LRRIQ1: variants seen among roughly 807,000 people sequenced by gnomAD.
LRRIQ1 encodes leucine-rich repeat- and IQ domain-containing protein 1.
Under a neutral mutation model 211.9 loss-of-function variants are expected in LRRIQ1, and 210 were observed. That is an observed-to-expected ratio of 0.99 (90% CI 0.89 to 1.11). LRRIQ1 has a LOEUF of 1.11. LRRIQ1 is among the 50% of genes most tolerant of loss of function. The pLI is 0.00. For missense variants in LRRIQ1, 2,136 were observed against 1,939.5 expected (o/e 1.10, Z -1.90); for synonymous variants, 699 against 650.1 (o/e 1.08, Z -1.14).
chr12:85,118,438 CA>C (rs1200684650), intron 15 of LRRIQ1, among the ~76,000 whole-genome samples: 1 of 149,650 alleles, frequency 6.7e-6, no homozygotes, highest in East Asian at 2.0e-4. Context: ...AGTTTTCTTT[CA>C]GGGGAGGGAG....
intron 15 of LRRIQ1, among the ~76,000 whole-genome samples, chr12:85,115,321 G>T (rs1276221421): frequency 6.6e-6 from 1 of 152,136 alleles, no homozygotes; most frequent in Non-Finnish European, 1.5e-5. Flanking sequence ...TCCATGCACT[G>T]CTCTGTTATG....
chr12:85,198,185 A>G (rs1196172313), intron 24 of LRRIQ1, among the ~76,000 whole-genome samples: 1 of 133,068 alleles, frequency 7.5e-6, no homozygotes, highest in Non-Finnish European at 1.5e-5. Context: ...TTATATATAT[A>G]TATTTTTTCT....
chr12:85,246,549 C>A (rs993104178), downstream of LRRIQ1, among the ~76,000 whole-genome samples: 10 of 151,326 alleles, frequency 6.6e-5, no homozygotes, highest in Admixed American at 6.6e-5. Context: ...CTCAATAAAT[C>A]AGCAACTAGT....
At chr12:85,097,581 C>T (rs1885999578) in intron 11 of LRRIQ1, among the ~76,000 whole-genome samples, 1 of 152,138 alleles carries the variant, frequency 6.6e-6, no homozygotes, top group Admixed American at 6.5e-5. Context: ...CTACAAAGGA[C>T]ATGAACTCAT....
exon 2 of LRRIQ1, chr12:85,264,171 T>C (rs973860134): frequency 4.6e-5 from 7 of 152,062 alleles, no homozygotes; most frequent in Admixed American, 2.6e-4. Context: ...TGGATCCCTA[T>C]TGCATTGCAA....
chr12:85,152,507 C>T, intron 20 of LRRIQ1, 138 bp downstream of exon 20: 1 of 504,742 alleles, frequency 2.0e-6, no homozygotes. Flanking sequence ...TCCTCCTCAT[C>T]CCCAGATGTA....
intron 24 of LRRIQ1, among the ~76,000 whole-genome samples, chr12:85,176,174 T>G (rs945041162): frequency 2.6e-5 from 4 of 152,154 alleles, no homozygotes; most frequent in Admixed American, 6.6e-5. Flanking sequence ...TATCCTCTTT[T>G]ATTTCCATGA....
intron 15 of LRRIQ1, among the ~76,000 whole-genome samples, chr12:85,119,728 A>G (rs554857909): frequency 1.3e-5 from 2 of 152,120 alleles, no homozygotes; most frequent in Non-Finnish European, 2.9e-5. Flanking sequence ...GTGGTATCAC[A>G]TTGTCTCGTT....
rs1367757786 is a variant in LRRIQ1, at chr12:85,189,114, C to T, written c.4822+28400C>T. 2.0e-5 allele frequency among the ~76,000 whole-genome samples: 3 copies of T among 152,070 alleles called. No homozygotes were observed. In the South Asian group the frequency reaches 6.2e-4, roughly 31 times the overall value. On this transcript the variant is annotated intron_variant, in intron 24 of 26. Transcript: ENST00000393217. ...CAAAAATCCCAGAAAAAAACATAAA[C>T]AGTTAGCTAATTCAAAGATGCAACT... is the stretch of plus-strand genomic sequence containing the variant.
chr12:85,088,882 G>T (rs1031764504), intron 11 of LRRIQ1, among the ~76,000 whole-genome samples: 4 of 152,196 alleles, frequency 2.6e-5, no homozygotes, highest in African/African-American at 9.6e-5. Context: ...CATGTCATCT[G>T]CAAACAGAGA....
At chr12:85,126,103 T>C (rs1044660843) in intron 17 of LRRIQ1, among the ~76,000 whole-genome samples, 4 of 152,072 alleles carry the variant, frequency 2.6e-5, no homozygotes, top group Non-Finnish European at 5.9e-5. Flanking sequence ...TTTCTTAACC[T>C]GTAGTGCACC....
intron 11 of LRRIQ1, among the ~76,000 whole-genome samples, chr12:85,076,780 AT>A (rs35461127): frequency 0.56 from 82,058 of 145,778 alleles, 23,621 homozygotes; most frequent in African/African-American, 0.74. Context: ...CTATTCAGTG[AT>A]TTTTTTTTTT....
At chr12:85,229,063 G>A (rs918085514) in intron 24 of LRRIQ1, among the ~76,000 whole-genome samples, 25 of 152,028 alleles carry the variant, frequency 1.6e-4, no homozygotes, top group Non-Finnish European at 2.8e-4. Flanking sequence ...CACAAAGCAA[G>A]CTCAGTTTTA....
chr12:85,054,654 G>GT lies in LRRIQ1; in HGVS notation c.754-884dup, dbSNP rs1241715455. ...TTTGGGGAAAACATCTCATTTTGAAGTTTTTTTTTAAGTAATCAGCTATCC... is the reference window on the plus strand; with the variant it reads ...TTTGGGGAAAACATCTCATTTTGAAGTTTTTTTTTTAAGTAATCAGCTATCC... On this transcript the variant is annotated intron_variant, in intron 7 of 26. Transcript: ENST00000393217. 1.8e-3 allele frequency among the ~76,000 whole-genome samples: 275 copies of GT among 150,512 alleles called. 1 individual carries two copies. The highest frequency in any genetic ancestry group is 4.5e-3 in the African/African-American group (183 of 41,076).
At chr12:85,164,354 T>TATTA (rs1891047041) in intron 24 of LRRIQ1, among the ~76,000 whole-genome samples, 1 of 152,192 alleles carries the variant, frequency 6.6e-6, no homozygotes, top group African/African-American at 2.4e-5. Context: ...CTGTGACCTT[T>TATTA]GGGAAGTTGT....
chr12:85,129,899 C>G (rs531464406), intron 18 of LRRIQ1, among the ~76,000 whole-genome samples: 1 of 152,100 alleles, frequency 6.6e-6, no homozygotes, highest in Non-Finnish European at 1.5e-5. Flanking sequence ...GTAAACCAGG[C>G]AAGAGATAAC....
intron 24 of LRRIQ1, among the ~76,000 whole-genome samples, chr12:85,214,047 C>G (rs910690991): frequency 2.0e-5 from 3 of 151,676 alleles, no homozygotes; most frequent in African/African-American, 7.3e-5. Flanking sequence ...ATTTAAAAAC[C>G]TAGAAAAATA....
chr12:85,229,197 A>G (rs1252525350), intron 24 of LRRIQ1, among the ~76,000 whole-genome samples: 2 of 152,196 alleles, frequency 1.3e-5, no homozygotes, highest in African/African-American at 4.8e-5. Context: ...AGATGTTTTT[A>G]TATTAGAAAA....
intron 24 of LRRIQ1, among the ~76,000 whole-genome samples, chr12:85,192,554 T>A (rs1283726129): frequency 8.3e-6 from 1 of 120,242 alleles, no homozygotes; most frequent in Non-Finnish European, 1.6e-5. Context: ...TATATAGTTA[T>A]ATAATATAAT....
Sources: gnomAD v4.1 joint callset for allele counts (sites outside exome capture counted in the v4.1 genomes callset) on GRCh38, gnomAD v4.1.1 for gene constraint, MANE v1.5 for transcripts, NCBI Gene and HGNC (gene_info 2026-07-23, HGNC 2026-07-21) for gene names.